The following PPP1R12B variants were observed in gnomAD, a reference collection of about 807,000 sequenced individuals.
PPP1R12B encodes the protein myosin phosphatase target subunit 2.
Under a neutral mutation model 126.1 loss-of-function variants are expected in PPP1R12B, and 76 were observed. That is an observed-to-expected ratio of 0.60 (90% confidence interval 0.50 to 0.73). The LOEUF (loss-of-function observed/expected upper bound fraction) is 0.73, where lower values mean the gene tolerates loss of function less well. Among genes scored for constraint, PPP1R12B ranks in the 30% least tolerant of loss-of-function variants. PPP1R12B has a pLI of 0.00. For missense variants in PPP1R12B, 1,052 were observed against 1,205.1 expected, an observed-to-expected ratio of 0.87 and a Z score of 1.88; for synonymous variants, 356 against 434.7, an observed-to-expected ratio of 0.82 and a Z score of 2.25.
intron 1 of PPP1R12B, among the ~76,000 whole-genome samples, chr1:202,399,797 A>G (rs552247074): frequency 6.6e-6 from 1 of 152,118 alleles, no homozygotes; most frequent in East Asian, 1.9e-4. Flanking sequence ...CGCCTGGCCG[A>G]TATTTGTTTT....
intron 1 of PPP1R12B, among the ~76,000 whole-genome samples, chr1:202,382,721 A>T (rs1005256485): frequency 1.3e-5 from 2 of 151,738 alleles, no homozygotes; most frequent in African/African-American, 4.8e-5. Flanking sequence ...TACTAAAAAT[A>T]AAAAAATTAG....
chr1:202,520,189 C>A (rs994947913), intron 18 of PPP1R12B, among the ~76,000 whole-genome samples: 5 of 152,230 alleles, frequency 3.3e-5, no homozygotes, highest in Non-Finnish European at 7.3e-5. Context: ...AGAAGTTGTT[C>A]TAGCCCAACT....
chr1:202,586,270 G>A lies in PPP1R12B; in HGVS notation c.*5710G>A, dbSNP rs1478044382. The A allele has an allele frequency of 6.6e-6, 1 of 152,460 alleles. No individual in the cohort carries two copies. Among genetic ancestry groups the A allele is most frequent in the Admixed American group, 6.5e-5 (1 of 15,290 alleles). 9.4% of individuals were successfully genotyped at this position (152,460 alleles called of 1,614,324 possible). ...AGGACCTGGTGTAATTGGAGTGAAA[G>A]GGCAGAGACCCTGGAAGTGGAGGTG... On this transcript the variant is annotated 3_prime_UTR_variant, in exon 24 of 24. Coordinates refer to ENST00000608999, the MANE Select transcript of PPP1R12B (RefSeq NM_002481.4).
chr1:202,542,095 T>A (rs114063829), intron 18 of PPP1R12B, among the ~76,000 whole-genome samples: 7 of 152,216 alleles, frequency 4.6e-5, no homozygotes, highest in African/African-American at 1.7e-4. Context: ...GAGAAAGATA[T>A]GCAAGACTCA....
intron 10 of PPP1R12B, chr1:202,439,477 C>T: frequency 1.3e-6 from 2 of 1,486,930 alleles, no homozygotes; most frequent in South Asian, 1.2e-5. Flanking sequence ...GGCAAGGGTG[C>T]CTGGTCCAGC....
At chr1:202,518,393 A>G (rs57326076) in intron 18 of PPP1R12B, among the ~76,000 whole-genome samples, 4 of 152,224 alleles carry the variant, frequency 2.6e-5, no homozygotes, top group Non-Finnish European at 4.4e-5. Flanking sequence ...ATGGAACACT[A>G]TGAATCATAG....
intron 13 of PPP1R12B, among the ~76,000 whole-genome samples, chr1:202,485,111 C>T (rs369353383): frequency 1.8e-4 from 28 of 152,238 alleles, no homozygotes; most frequent in East Asian, 1.7e-3. Flanking sequence ...AGGTATGTAC[C>T]GGTGAGGGGA....
At chr1:202,386,433 A>G (rs947501081) in intron 1 of PPP1R12B, among the ~76,000 whole-genome samples, 1 of 151,608 alleles carries the variant, frequency 6.6e-6, no homozygotes, top group African/African-American at 2.4e-5. Context: ...CTGGGTTCAC[A>G]CTATTCTCCT....
At chr1:202,378,995 T>C (rs1661753406) in intron 1 of PPP1R12B, among the ~76,000 whole-genome samples, 1 of 152,166 alleles carries the variant, frequency 6.6e-6, no homozygotes, top group Non-Finnish European at 1.5e-5. Flanking sequence ...CTATATTCTT[T>C]CGTCTTTGTA....
intron 1 of PPP1R12B, among the ~76,000 whole-genome samples, chr1:202,382,507 C>G (rs1162911562): frequency 7.3e-6 from 1 of 137,858 alleles, no homozygotes; most frequent in Non-Finnish European, 1.6e-5. Context: ...AAAAAAGAAA[C>G]AAATCTCCAA....
intron 13 of PPP1R12B, among the ~76,000 whole-genome samples, chr1:202,471,172 T>C (rs1273872595): frequency 6.6e-6 from 1 of 152,150 alleles, no homozygotes; most frequent in Admixed American, 6.5e-5. Context: ...TTCTTTCACA[T>C]GTTTTAATAC....
At position 202,587,017 on chromosome 1, in the gene PPP1R12B, TC is replaced by T. The variant is rs1689855348; in HGVS notation, c.*6460del. On this transcript the variant is annotated 3_prime_UTR_variant, in exon 24 of 24. Coordinates refer to ENST00000608999, the MANE Select transcript of PPP1R12B (RefSeq NM_002481.4). ...AAATCATATCTTTTGTTTTTCCCCC[TC>T]CCTTCTAATCCCCCAAAGGACCTAT... The T allele has an allele frequency of 6.6e-6, 1 of 152,156 alleles. No homozygotes were observed. The highest frequency in any genetic ancestry group is 1.5e-5 in the Non-Finnish European group (1 of 68,024). The allele number at this position is 152,156 out of a possible 1,614,324, so 9.4% of individuals were successfully genotyped here. A position where few individuals can be genotyped will look rare whatever the true frequency, so the allele number is the denominator to read the frequency against.
intron 18 of PPP1R12B, among the ~76,000 whole-genome samples, chr1:202,536,775 T>C (rs1464350929): frequency 5.3e-5 from 8 of 152,194 alleles, no homozygotes; most frequent in Non-Finnish European, 1.2e-4. Flanking sequence ...TTATCTGTTT[T>C]TTTTTTTAAC....
chr1:202,455,505 T>C (rs1387250501), intron 13 of PPP1R12B, among the ~76,000 whole-genome samples: 3 of 152,232 alleles, frequency 2.0e-5, no homozygotes, highest in African/African-American at 7.2e-5. Context: ...CTTAATATAA[T>C]GTTTTCAAGG....
At chr1:202,477,915 G>A (rs557221708) in intron 13 of PPP1R12B, among the ~76,000 whole-genome samples, 5 of 152,342 alleles carry the variant, frequency 3.3e-5, no homozygotes, top group Admixed American at 1.3e-4. Context: ...TTTGGCATCT[G>A]AATTCCTTCT....
intron 18 of PPP1R12B, among the ~76,000 whole-genome samples, chr1:202,510,715 C>T (rs1354962751): frequency 6.6e-6 from 1 of 151,792 alleles, no homozygotes; most frequent in East Asian, 1.9e-4. Flanking sequence ...TATTGATGAG[C>T]CATTATATGT....
chr1:202,357,855 A>G (rs928565608), intron 1 of PPP1R12B, among the ~76,000 whole-genome samples: 1 of 152,202 alleles, frequency 6.6e-6, no homozygotes, highest in African/African-American at 2.4e-5. Flanking sequence ...TTAGCAGTAG[A>G]TACAATTTAG....
intron 21 of PPP1R12B, among the ~76,000 whole-genome samples, chr1:202,567,091 G>T (rs1477488186): frequency 6.6e-6 from 1 of 152,112 alleles, no homozygotes; most frequent in East Asian, 1.9e-4. Flanking sequence ...AGTCAAAGAT[G>T]ATCTAAAATA....
intron 1 of PPP1R12B, among the ~76,000 whole-genome samples, chr1:202,394,839 T>A (rs1309770799): frequency 6.6e-6 from 1 of 151,600 alleles, no homozygotes; most frequent in Non-Finnish European, 1.5e-5. Flanking sequence ...AAAATCAATT[T>A]GGGCTGGACC....
Sources: gnomAD v4.1 joint callset for allele counts (sites outside exome capture counted in the v4.1 genomes callset) on GRCh38, gnomAD v4.1.1 for gene constraint, MANE v1.5 for transcripts, NCBI Gene and HGNC (gene_info 2026-07-23, HGNC 2026-07-21) for gene names.